Variants in GOLM2 observed in about 807,000 individuals in gnomAD.
GOLM2 encodes the protein protein GOLM2.
A neutral mutation model predicts 55.9 loss-of-function variants in GOLM2; 26 were observed. The ratio of observed to expected loss-of-function variants is 0.47; its 90% CI spans 0.34 to 0.65. GOLM2 has a LOEUF of 0.65. GOLM2 is among the 30% of genes least tolerant of loss of function. The pLI is 0.01. For missense variants in GOLM2, 486 were observed against 531.8 expected (o/e 0.91, Z 0.85); for synonymous variants, 165 against 194.6 (o/e 0.85, Z 1.27).
chr15:44,362,747 C>A (rs2079250863), intron 6 of GOLM2, among the ~76,000 whole-genome samples: 1 of 152,134 alleles, frequency 6.6e-6, no homozygotes, highest in African/African-American at 2.4e-5. Flanking sequence ...CAATCCTAAG[C>A]CAAAAGAACA....
rs2078728769 is a variant in GOLM2 at position 44,292,559 on chromosome 15, T to C, written c.327+3203T>C. On this transcript the variant is annotated intron_variant, in intron 1 of 9. Coordinates refer to ENST00000299957, the MANE Select transcript of GOLM2 (RefSeq NM_138423.4). ...TTTGTAGAGATAGGGTGTTGCTATG[T>C]TGCCCAGGCTGCTTTCAAACTCCTG... 2.6e-5 allele frequency among the ~76,000 whole-genome samples: 4 copies of C among 152,186 alleles called. 1 individual carries two copies. The South Asian group carries it at 8.3e-4, about 31-fold the overall frequency.
chr15:44,330,112 G>A (rs1273838343), intron 3 of GOLM2, among the ~76,000 whole-genome samples: 26 of 146,336 alleles, frequency 1.8e-4, no homozygotes, highest in African/African-American at 6.1e-4. Context: ...GGCTTTCACC[G>A]TATTAGCCAG....
At chr15:44,402,541 A>G (rs2079572395) in intron 8 of GOLM2, 1 of 182,586 alleles carries the variant, frequency 5.5e-6, no homozygotes, top group Non-Finnish European at 1.2e-5. Context: ...AAAATAATTT[A>G]TTCTCCTAAA....
At chr15:44,358,983 C>T (rs2079216469) in intron 6 of GOLM2, among the ~76,000 whole-genome samples, 1 of 151,444 alleles carries the variant, frequency 6.6e-6, no homozygotes, top group African/African-American at 2.4e-5. Flanking sequence ...GGTGAAACCC[C>T]ATCGCCACTA....
chr15:44,366,607 T>C (rs892251676), intron 6 of GOLM2, among the ~76,000 whole-genome samples: 2 of 152,032 alleles, frequency 1.3e-5, no homozygotes, highest in African/African-American at 2.4e-5. Flanking sequence ...GCACTCCAAC[T>C]TGGTCAACAG....
At chr15:44,389,561 A>G (rs2079473651) in intron 8 of GOLM2, among the ~76,000 whole-genome samples, 1 of 152,134 alleles carries the variant, frequency 6.6e-6, no homozygotes, top group African/African-American at 2.4e-5. Context: ...AAATAAAAGC[A>G]CTTGATACTC....
At chr15:44,405,667 C>A (rs979496067) in intron 9 of GOLM2, among the ~76,000 whole-genome samples, 1 of 151,930 alleles carries the variant, frequency 6.6e-6, no homozygotes, top group Non-Finnish European at 1.5e-5. Context: ...CTCACCCAGG[C>A]TAGAGTGCAG....
chr15:44,304,508 C>T (rs1314073002), intron 1 of GOLM2, among the ~76,000 whole-genome samples: 2 of 152,136 alleles, frequency 1.3e-5, no homozygotes, highest in Non-Finnish European at 2.9e-5. Flanking sequence ...TCCCAAAGTG[C>T]TGGGACTACA....
chr15:44,371,462 A>G (rs1333530533), intron 6 of GOLM2, among the ~76,000 whole-genome samples: 3 of 152,192 alleles, frequency 2.0e-5, no homozygotes. Context: ...TGAGAACATA[A>G]TTTTAAGTAG....
chr15:44,398,432 G>A (rs1017845746), intron 8 of GOLM2, among the ~76,000 whole-genome samples: 4 of 152,130 alleles, frequency 2.6e-5, no homozygotes, highest in African/African-American at 4.8e-5. Context: ...GAGACTACAG[G>A]TGTGTGCCAC....
intron 8 of GOLM2, chr15:44,382,070 T>C (rs1301172641): frequency 6.6e-6 from 1 of 152,208 alleles, no homozygotes; most frequent in Non-Finnish European, 1.5e-5. Flanking sequence ...TTCTGTTTTC[T>C]TCAAATAGGA....
chr15:44,366,317 A>G (rs1204816233), intron 6 of GOLM2, among the ~76,000 whole-genome samples: 1 of 151,480 alleles, frequency 6.6e-6, no homozygotes, highest in Admixed American at 6.6e-5. Flanking sequence ...AAAAAAAACA[A>G]AACAAACAAA....
chr15:44,383,046 T>C (rs1203905854), intron 8 of GOLM2, among the ~76,000 whole-genome samples: 1 of 151,428 alleles, frequency 6.6e-6, no homozygotes, highest in Non-Finnish European at 1.5e-5. Flanking sequence ...TGATTTACTT[T>C]GACATTATTT....
intron 2 of GOLM2, among the ~76,000 whole-genome samples, chr15:44,326,836 G>A (rs2141134889): frequency 6.6e-6 from 1 of 151,432 alleles, no homozygotes; most frequent in South Asian, 2.1e-4. Flanking sequence ...ATTTTTAGTG[G>A]AGATGGGATT....
At chr15:44,370,277 C>T (rs1041842161) in intron 6 of GOLM2, among the ~76,000 whole-genome samples, 2 of 152,146 alleles carry the variant, frequency 1.3e-5, no homozygotes, top group Non-Finnish European at 2.9e-5. Context: ...ATCACAGAGC[C>T]TGTTGATTCT....
At chr15:44,392,403 A>G (rs2079496728) in intron 8 of GOLM2, among the ~76,000 whole-genome samples, 1 of 151,966 alleles carries the variant, frequency 6.6e-6, no homozygotes, top group Non-Finnish European at 1.5e-5. Context: ...CAGGTGGATC[A>G]CCTGAGGTCA....
At chr15:44,384,340 C>T (rs574072442) in intron 8 of GOLM2, among the ~76,000 whole-genome samples, 8 of 152,238 alleles carry the variant, frequency 5.3e-5, no homozygotes, top group Non-Finnish European at 5.9e-5. Context: ...CGGCCAGGCG[C>T]GGTGGCTCAT....
chr15:44,400,574 CTTTTTTTTTTTTTT>C (rs59386038), intron 8 of GOLM2, among the ~76,000 whole-genome samples: 1 of 111,022 alleles, frequency 9.0e-6, no homozygotes, highest in Non-Finnish European at 1.8e-5. Flanking sequence ...GCCTTGCCGC[CTTTTTTTTTTTTTT>C]TTTTTTTTTT....
intron 1 of GOLM2, among the ~76,000 whole-genome samples, chr15:44,298,430 A>ATTTTTTTTT (rs1233048546): frequency 1.5e-5 from 2 of 133,168 alleles, no homozygotes; most frequent in African/African-American, 2.8e-5. Context: ...TGGCCGGCTA[A>ATTTTTTTTT]TTTTTTTTTT....
Sources: gnomAD v4.1 joint callset for allele counts (sites outside exome capture counted in the v4.1 genomes callset) on GRCh38, gnomAD v4.1.1 for gene constraint, MANE v1.5 for transcripts, NCBI Gene and HGNC (gene_info 2026-07-23, HGNC 2026-07-21) for gene names.